Variants in MAPKAP1 observed in about 807,000 individuals in gnomAD.
The protein encoded by MAPKAP1 is MAPK associated protein 1, also known as target of rapamycin complex 2 subunit MAPKAP1.
Under a neutral mutation model 65.7 loss-of-function variants are expected in MAPKAP1, and 20 were observed. The ratio of observed to expected loss-of-function variants is 0.30; its 90% CI spans 0.21 to 0.44. MAPKAP1 has a LOEUF of 0.44. MAPKAP1 is among the 20% of genes least tolerant of loss of function. The probability of loss-of-function intolerance (pLI) is 1.00; values close to 1 mark genes in which losing one functional copy is unlikely to be tolerated. For missense variants in MAPKAP1, 423 were observed against 648.0 expected, an observed-to-expected ratio of 0.65 and a Z score of 3.77; for synonymous variants, 222 against 244.3, an observed-to-expected ratio of 0.91 and a Z score of 0.85.
At chr9:125,516,161 T>C (rs566768261) in intron 7 of MAPKAP1, among the ~76,000 whole-genome samples, 1 of 152,284 alleles carries the variant, frequency 6.6e-6, no homozygotes, top group South Asian at 2.1e-4. Context: ...ACAAGACAAA[T>C]CACTTTCAAA....
At chr9:125,479,010 C>T (rs1854207869) in intron 9 of MAPKAP1, among the ~76,000 whole-genome samples, 1 of 152,178 alleles carries the variant, frequency 6.6e-6, no homozygotes, top group South Asian at 2.1e-4. Context: ...CAACCTCAGA[C>T]AGTCTTGGAT....
In MAPKAP1 at chr9:125,586,342, C is replaced by A. The variant is rs541500826; in HGVS notation, c.499-615G>T. 6.6e-5 allele frequency among the ~76,000 whole-genome samples: 10 copies of A among 152,312 alleles called. No homozygotes were observed. In the East Asian group the frequency reaches 1.7e-3, roughly 26 times the overall value. On this transcript the variant is annotated intron_variant, in intron 4 of 11. Transcript: ENST00000265960. Reference sequence around the variant, plus strand: ...CCCACACACCTACCACTCCTCCCACCTGCGTCTTCCACTCTGCCCTCAAGA... The same window carrying A: ...CCCACACACCTACCACTCCTCCCACATGCGTCTTCCACTCTGCCCTCAAGA...
intron 4 of MAPKAP1, among the ~76,000 whole-genome samples, chr9:125,652,914 T>A (rs1431129952): frequency 6.6e-6 from 1 of 152,218 alleles, no homozygotes; most frequent in Non-Finnish European, 1.5e-5. Context: ...TCTAAAATCC[T>A]GGCTTTTAAA....
At chr9:125,512,512 G>A (rs966287618) in intron 7 of MAPKAP1, among the ~76,000 whole-genome samples, 4 of 152,134 alleles carry the variant, frequency 2.6e-5, no homozygotes, top group Non-Finnish European at 5.9e-5. Context: ...CTGGGGACTC[G>A]TAAACTTGTC....
chr9:125,689,463 C>CA (rs1835097830), intron 1 of MAPKAP1, among the ~76,000 whole-genome samples: 1 of 48,554 alleles, frequency 2.1e-5, no homozygotes. Flanking sequence ...AAAAAAAAAA[C>CA]AGGCCAGGCA....
At chr9:125,690,425 T>C (rs569179347) in intron 1 of MAPKAP1, among the ~76,000 whole-genome samples, 3 of 152,352 alleles carry the variant, frequency 2.0e-5, no homozygotes, top group African/African-American at 7.2e-5. Flanking sequence ...TAGGAGAGGC[T>C]GAAAGCAAAC....
chr9:125,479,110 A>G (rs1854213861), intron 9 of MAPKAP1, among the ~76,000 whole-genome samples: 1 of 152,248 alleles, frequency 6.6e-6, no homozygotes, highest in South Asian at 2.1e-4. Flanking sequence ...CTATCTAATA[A>G]GAGTGCTTCG....
intron 1 of MAPKAP1, among the ~76,000 whole-genome samples, chr9:125,685,022 A>C (rs1205017731): frequency 2.0e-5 from 3 of 152,116 alleles, no homozygotes; most frequent in African/African-American, 7.2e-5. Flanking sequence ...AGTTCTACCA[A>C]ATAATTAACC....
intron 1 of MAPKAP1, among the ~76,000 whole-genome samples, chr9:125,682,251 T>C (rs1834845668): frequency 6.6e-6 from 1 of 152,172 alleles, no homozygotes; most frequent in African/African-American, 2.4e-5. Context: ...ATCAGAAATG[T>C]CATTTTGTAC....
intron 1 of MAPKAP1, among the ~76,000 whole-genome samples, chr9:125,674,120 G>C (rs541289355): frequency 4.5e-4 from 68 of 152,138 alleles, no homozygotes; most frequent in African/African-American, 1.6e-3. Flanking sequence ...TTACTCGTTA[G>C]CTATAAGATC....
At chr9:125,446,951 G>A (rs1466383171) in intron 10 of MAPKAP1, among the ~76,000 whole-genome samples, 1 of 152,182 alleles carries the variant, frequency 6.6e-6, no homozygotes, top group East Asian at 1.9e-4. Context: ...CAAGGCCTAA[G>A]AGCCCCAGAA....
At chr9:125,470,574 T>C (rs146110840) in intron 9 of MAPKAP1, among the ~76,000 whole-genome samples, 27 of 152,356 alleles carry the variant, frequency 1.8e-4, no homozygotes, top group South Asian at 4.1e-4. Flanking sequence ...TATCTGCAAA[T>C]TGTTACCGTA....
intron 4 of MAPKAP1, among the ~76,000 whole-genome samples, chr9:125,602,055 C>A (rs1280578667): frequency 6.6e-6 from 1 of 151,954 alleles, no homozygotes; most frequent in Admixed American, 6.6e-5. Flanking sequence ...GGAGTCGAGA[C>A]CAGCCAAGGC....
At chr9:125,535,843 A>AGTGT in intron 7 of MAPKAP1, among the ~76,000 whole-genome samples, 1 of 152,066 alleles carries the variant, frequency 6.6e-6, no homozygotes, top group African/African-American at 2.4e-5. Flanking sequence ...CTGACTTCTA[A>AGTGT]GTGTGTGTGT....
intron 4 of MAPKAP1, among the ~76,000 whole-genome samples, chr9:125,594,800 T>C (rs1394264782): frequency 1.3e-5 from 2 of 152,194 alleles, no homozygotes; most frequent in Non-Finnish European, 2.9e-5. Context: ...AGGGGTTTCA[T>C]GCTAGCTGGC....
chr9:125,627,297 T>C (rs1394307997), intron 4 of MAPKAP1, among the ~76,000 whole-genome samples: 5 of 152,232 alleles, frequency 3.3e-5, no homozygotes, highest in Non-Finnish European at 5.9e-5. Context: ...TTCAAATGCC[T>C]CTATCTTGGG....
At chr9:125,686,172 T>C (rs1352705666) in intron 1 of MAPKAP1, among the ~76,000 whole-genome samples, 2 of 151,226 alleles carry the variant, frequency 1.3e-5, no homozygotes, top group Admixed American at 1.3e-4. Context: ...AAAATAAAAT[T>C]AGCCAGGTGT....
chr9:125,508,134 C>T (rs1829198543), intron 7 of MAPKAP1, among the ~76,000 whole-genome samples: 1 of 152,152 alleles, frequency 6.6e-6, no homozygotes, highest in African/African-American at 2.4e-5. Flanking sequence ...CCACTGTACT[C>T]CAGCCTGGGC....
intron 4 of MAPKAP1, among the ~76,000 whole-genome samples, chr9:125,606,782 AT>A (rs1832450953): frequency 6.6e-6 from 1 of 152,202 alleles, no homozygotes; most frequent in Non-Finnish European, 1.5e-5. Context: ...GGACAGCCAC[AT>A]TATGTTCACC....
Sources: gnomAD v4.1 joint callset for allele counts (sites outside exome capture counted in the v4.1 genomes callset) on GRCh38, gnomAD v4.1.1 for gene constraint, MANE v1.5 for transcripts, NCBI Gene and HGNC (gene_info 2026-07-23, HGNC 2026-07-21) for gene names.